Variants in CACNA1D observed in about 807,000 individuals in gnomAD.
CACNA1D encodes the protein voltage-dependent L-type calcium channel subunit alpha-1D.
Under a neutral mutation model 257.1 loss-of-function variants are expected in CACNA1D, and 55 were observed. That is an observed-to-expected ratio of 0.21 (90% CI 0.17 to 0.27). CACNA1D has a LOEUF of 0.27. Among genes scored for constraint, CACNA1D ranks in the 10% least tolerant of loss-of-function variants. CACNA1D has a pLI of 1.00. For synonymous variants in CACNA1D, 980 were observed against 1,014.9 expected (o/e 0.97, Z 0.65); for missense variants, 1,876 against 2,784.0 (o/e 0.67, Z 7.34).
chr3:53,501,864 G>GT, intron 3 of CACNA1D, 144 bp downstream of exon 3: 1 of 622,666 alleles, frequency 1.6e-6, no homozygotes. Context: ...GTGGTTTTTT[G>GT]TTTGTTTGTT....
intron 3 of CACNA1D, among the ~76,000 whole-genome samples, chr3:53,538,312 A>G (rs2092187562): frequency 6.6e-6 from 1 of 151,830 alleles, no homozygotes; most frequent in Non-Finnish European, 1.5e-5. Context: ...CATGCGTGCC[A>G]TGTCTGGCTA....
intron 3 of CACNA1D, among the ~76,000 whole-genome samples, chr3:53,518,212 A>G (rs2091419168): frequency 6.6e-6 from 1 of 152,242 alleles, no homozygotes; most frequent in South Asian, 2.1e-4. Context: ...GGGTGGAAGC[A>G]GCCCTGCCTT....
chr3:53,783,445 T>C (rs1309343092), intron 39 of CACNA1D, among the ~76,000 whole-genome samples: 1 of 152,236 alleles, frequency 6.6e-6, no homozygotes, highest in Admixed American at 6.5e-5. Context: ...GCCTTTTCTC[T>C]CTATTTCTTA....
At chr3:53,809,807 A>AGTCATCACC (rs1415641642) in intron 46 of CACNA1D, 171 bp from the exon 47 acceptor site, 2 of 666,128 alleles carry the variant, frequency 3.0e-6, no homozygotes, top group Non-Finnish European at 5.4e-6. Context: ...TAGAAAACAA[A>AGTCATCACC]GTCATCACCG....
At chr3:53,544,986 G>T (rs1443761350) in intron 3 of CACNA1D, among the ~76,000 whole-genome samples, 2 of 152,170 alleles carry the variant, frequency 1.3e-5, no homozygotes, top group Non-Finnish European at 2.9e-5. Flanking sequence ...TGCTCCATAG[G>T]GATTAGCTAA....
chr3:53,621,786 AT>A (rs2093699432), intron 3 of CACNA1D, among the ~76,000 whole-genome samples: 1 of 152,198 alleles, frequency 6.6e-6, no homozygotes, highest in Non-Finnish European at 1.5e-5. Context: ...CAAGCGAGCG[AT>A]TTTTTTAAAT....
intron 37 of CACNA1D, among the ~76,000 whole-genome samples, chr3:53,778,208 T>C (rs1041225693): frequency 1.3e-5 from 2 of 152,198 alleles, no homozygotes; most frequent in Non-Finnish European, 2.9e-5. Context: ...CTTTTTTTTT[T>C]CCATAAACTT....
intron 9 of CACNA1D, chr3:53,710,415 C>A (rs570505051): frequency 7.8e-4 from 355 of 456,700 alleles, no homozygotes; most frequent in South Asian, 1.8e-3. Flanking sequence ...GGCCGACTTG[C>A]TTAAAGAGGA....
At position 53,735,503 on chromosome 3, in the gene CACNA1D, G is replaced by A. The variant is rs141718078; in HGVS notation, c.2751G>A (p.Thr917=). Residue 917 remains threonine, a splice_region_variant and synonymous_variant, in exon 20 of 48, where the codon ACG becomes ACA. Coordinates refer to ENST00000350061, the MANE Select transcript of CACNA1D (RefSeq NM_001128840.3). ...DPIRSHSFRN[T]ILGYFDYAFT... Reference sequence around the variant, plus strand: ...TCCGCAGCCACTCCTTCCGGAACACGGTAAGTCCCCAGGGTGGGGCTCGCT... The same window carrying A: ...TCCGCAGCCACTCCTTCCGGAACACAGTAAGTCCCCAGGGTGGGGCTCGCT... 8.1e-6 allele frequency: 13 copies of A among 1,614,008 alleles called. No individual in the cohort carries two copies. Among genetic ancestry groups the A allele is most frequent in the South Asian group, 3.3e-5 (3 of 91,082 alleles).
intron 3 of CACNA1D, among the ~76,000 whole-genome samples, chr3:53,568,527 G>A (rs1299373244): frequency 6.6e-6 from 1 of 152,122 alleles, no homozygotes; most frequent in Non-Finnish European, 1.5e-5. Context: ...AGATACTGCT[G>A]CCTCCCCTGT....
chr3:53,685,878 G>T (rs2094469808), intron 8 of CACNA1D, among the ~76,000 whole-genome samples: 1 of 151,956 alleles, frequency 6.6e-6, no homozygotes, highest in Non-Finnish European at 1.5e-5. Context: ...TCTAGAAAAA[G>T]AAGACCAAAT....
intron 8 of CACNA1D, among the ~76,000 whole-genome samples, chr3:53,696,955 A>G (rs544559409): frequency 1.3e-5 from 2 of 152,292 alleles, no homozygotes; most frequent in African/African-American, 4.8e-5. Flanking sequence ...GACCTGGAGC[A>G]GAGAGGGAAG....
intron 16 of CACNA1D, 89 bp from the exon 17 acceptor site, chr3:53,730,988 G>A (rs547298076): frequency 2.5e-6 from 2 of 809,332 alleles, no homozygotes; most frequent in East Asian, 5.2e-5. Context: ...TCCTTCATTG[G>A]AGCATTATTG....
chr3:53,749,683 C>T (rs2095207883), intron 27 of CACNA1D, among the ~76,000 whole-genome samples: 1 of 152,218 alleles, frequency 6.6e-6, no homozygotes, highest in African/African-American at 2.4e-5. Context: ...ATTATGAAAT[C>T]CATCGCCAGA....
intron 32 of CACNA1D, among the ~76,000 whole-genome samples, chr3:53,771,770 T>C (rs2095367569): frequency 6.6e-6 from 1 of 152,242 alleles, no homozygotes; most frequent in African/African-American, 2.4e-5. Context: ...CAGCAGTTCA[T>C]AAAAGCAGAG....
At chr3:53,724,609 C>T (rs1176529157) in intron 14 of CACNA1D, among the ~76,000 whole-genome samples, 1 of 152,228 alleles carries the variant, frequency 6.6e-6, no homozygotes, top group African/African-American at 2.4e-5. Context: ...CTCAGAGCAG[C>T]AGCACATGCT....
rs940768845 is a variant in CACNA1D at position 53,496,335 on chromosome 3, C to T, written c.68-817C>T. Among the ~76,000 whole-genome samples, 3 of 152,216 alleles carry T rather than the reference C, an allele frequency of 2.0e-5. No homozygotes were observed. In the East Asian group the frequency reaches 5.8e-4, roughly 29 times the overall value. On this transcript the variant is annotated intron_variant, in intron 1 of 47. Coordinates refer to ENST00000350061, the MANE Select transcript of CACNA1D (RefSeq NM_001128840.3). Reference sequence around the variant, plus strand: ...GTGTGCACCTGGATACCAACCTACACGGAGATAATTCCCTCTTAGGCCTGG... The same window carrying T: ...GTGTGCACCTGGATACCAACCTACATGGAGATAATTCCCTCTTAGGCCTGG...
Position 53,660,115 on chromosome 3 carries a change from C to G in CACNA1D, c.624-18C>G. 6.2e-7 allele frequency: 1 copy of G among 1,611,690 alleles called. No homozygotes were observed. The highest frequency in any genetic ancestry group is 8.5e-7 in the Non-Finnish European group (1 of 1,177,780). ...GGGTAACAGACTCTAACATTTCTTTCTCTTTCTCTTCTTTCAGATTGTTTA... is the reference window on the plus strand; with the variant it reads ...GGGTAACAGACTCTAACATTTCTTTGTCTTTCTCTTCTTTCAGATTGTTTA... On this transcript the variant is annotated intron_variant, in intron 4 of 47. Coordinates refer to ENST00000350061, the MANE Select transcript of CACNA1D (RefSeq NM_001128840.3).
intron 19 of CACNA1D, 94 bp from the exon 20 acceptor site, chr3:53,735,280 C>T: frequency 8.5e-7 from 1 of 1,180,288 alleles, no homozygotes; most frequent in Admixed American, 1.7e-5. Flanking sequence ...CTGCCCTCTG[C>T]CTGGCCTCTT....
Sources: allele counts gnomAD v4.1 joint callset (sites outside exome capture counted in the v4.1 genomes callset), GRCh38; gene constraint gnomAD v4.1.1; transcripts MANE v1.5; gene names NCBI Gene and HGNC (gene_info 2026-07-23, HGNC 2026-07-21).